TENM4: variants seen among roughly 807,000 people sequenced by gnomAD.
TENM4 encodes the protein teneurin transmembrane protein 4.
Under a neutral mutation model 243.3 loss-of-function variants are expected in TENM4, and 82 were observed. That is an observed-to-expected ratio of 0.34 (90% CI 0.28 to 0.40). The LOEUF (loss-of-function observed/expected upper bound fraction) is 0.40. Among genes scored for constraint, TENM4 ranks in the 10% least tolerant of loss-of-function variants. TENM4 has a pLI of 1.00. For missense variants in TENM4, 3,138 were observed against 3,673.3 expected (o/e 0.85, Z 3.77); for synonymous variants, 1,412 against 1,456.3 (o/e 0.97, Z 0.69).
chr11:79,098,231 A>T lies in TENM4; in HGVS notation c.-65-28222T>A, dbSNP rs541672032. On this transcript the variant is annotated intron_variant, in intron 4 of 33. Coordinates refer to ENST00000278550, the MANE Select transcript of TENM4 (RefSeq NM_001098816.3). ...TCTTGTGTCTCCCCCACCCCCCCCC[A>T]TCTCCCAGCTCAGTGAGAATCATCT... 1.7e-3 allele frequency among the ~76,000 whole-genome samples: 86 copies of T among 50,984 alleles called. No homozygotes were observed. In the East Asian group the frequency reaches 0.022, roughly 13 times the overall value. 33.4% of individuals were successfully genotyped at this position (50,984 alleles called of 152,430 possible). A position where few individuals can be genotyped will look rare whatever the true frequency, so the allele number is the denominator to read the frequency against.
chr11:78,792,702 T>G (rs1355364216), intron 15 of TENM4, among the ~76,000 whole-genome samples: 2 of 152,038 alleles, frequency 1.3e-5, no homozygotes, highest in African/African-American at 2.4e-5. Flanking sequence ...ATGGAAGAGG[T>G]GTATGTCGGT....
chr11:78,731,332 T>C (rs1426163601), intron 21 of TENM4, among the ~76,000 whole-genome samples: 2 of 151,590 alleles, frequency 1.3e-5, no homozygotes, highest in Non-Finnish European at 2.9e-5. Context: ...GAAAAGGAGG[T>C]TTCAACCTGT....
At position 78,726,160 on chromosome 11, in the gene TENM4, C is replaced by T; in HGVS notation, c.3469G>A (p.Val1157Met). 1 of 1,614,010 alleles carries T rather than the reference C, an allele frequency of 6.2e-7. No homozygotes were observed. The highest frequency in any genetic ancestry group is 2.2e-5 in the East Asian group (1 of 44,884). Residue 1157 changes from valine (V) to methionine (M), a missense_variant, in exon 23 of 34, where the codon GTG becomes ATG. By Grantham distance (21) the Val-to-Met change is conservative. Around this residue, in one of 2 missense-constraint regions of TENM4, gnomAD observed 2,467 missense variants for 3,059.1 expected, o/e 0.81. Transcript: ENST00000278550. ...GCGTCAATTTCATAGCCCTGCAGCACTGTTGTTCTTTTTTCCCACAGGATT... is the reference window on the plus strand; with the variant it reads ...GCGTCAATTTCATAGCCCTGCAGCATTGTTGTTCTTTTTTCCCACAGGATT... The part of the protein sequence containing the change: ...DLILWEKRTT[V>M]LQGYEIDASK...
chr11:79,137,117 T>C (rs1392512541), intron 4 of TENM4, among the ~76,000 whole-genome samples: 2 of 152,206 alleles, frequency 1.3e-5, no homozygotes, highest in Non-Finnish European at 2.9e-5. Context: ...TGTGACATTA[T>C]GTTCTGCTGG....
chr11:79,138,889 A>T (rs1312099285), intron 4 of TENM4, among the ~76,000 whole-genome samples: 1 of 116,650 alleles, frequency 8.6e-6, no homozygotes, highest in Non-Finnish European at 1.6e-5. Flanking sequence ...AAATATATAA[A>T]ATATATATTA....
chr11:78,804,394 G>T (rs987509661), intron 15 of TENM4, among the ~76,000 whole-genome samples: 2 of 152,132 alleles, frequency 1.3e-5, no homozygotes, highest in African/African-American at 4.8e-5. Flanking sequence ...GTAAGTATTT[G>T]CTGTTTAAAG....
At chr11:79,200,165 GCT>G (rs1479367102) in intron 3 of TENM4, among the ~76,000 whole-genome samples, 4 of 152,328 alleles carry the variant, frequency 2.6e-5, no homozygotes, top group African/African-American at 9.6e-5. Context: ...AATGCACCGT[GCT>G]CTGTCTCTAG....
At chr11:79,095,872 G>A (rs1431055835) in intron 4 of TENM4, 2 of 152,226 alleles carry the variant, frequency 1.3e-5, no homozygotes, top group African/African-American at 2.4e-5. Context: ...AGAGTTAGGG[G>A]TCAGCCTGGC....
In TENM4 at chr11:79,237,607, G is replaced by T. The variant is rs560303069; in HGVS notation, c.-264-21698C>A. 6.6e-5 allele frequency among the ~76,000 whole-genome samples: 10 copies of T among 152,312 alleles called. No individual in the cohort carries two copies. In the South Asian group the frequency reaches 2.1e-3, roughly 32 times the overall value. On this transcript the variant is annotated intron_variant, in intron 2 of 33. Coordinates refer to ENST00000278550, the MANE Select transcript of TENM4 (RefSeq NM_001098816.3). The stretch of plus-strand genomic sequence containing the variant: ...CAGGAGAATCACTTGAACCTGGGAG[G>T]TGGAGGTTGCAGTGAGCCAAGTTCG...
intron 6 of TENM4, among the ~76,000 whole-genome samples, chr11:79,026,011 T>C: frequency 6.6e-6 from 1 of 152,098 alleles, no homozygotes; most frequent in Non-Finnish European, 1.5e-5. Context: ...TTCTTAAATA[T>C]TTCTAGATGC....
At chr11:79,355,055 T>TA (rs1351809730) in intron 1 of TENM4, among the ~76,000 whole-genome samples, 1 of 152,192 alleles carries the variant, frequency 6.6e-6, no homozygotes, top group Non-Finnish European at 1.5e-5. Context: ...AAGAGTTCCC[T>TA]AAAAACCAAA....
intron 2 of TENM4, among the ~76,000 whole-genome samples, chr11:79,249,596 A>G (rs1180099132): frequency 6.6e-6 from 1 of 152,208 alleles, no homozygotes; most frequent in Non-Finnish European, 1.5e-5. Context: ...TCAGCAACCC[A>G]AAGGTATCGC....
At chr11:79,303,868 G>T (rs1401138822) in intron 1 of TENM4, among the ~76,000 whole-genome samples, 1 of 152,192 alleles carries the variant, frequency 6.6e-6, no homozygotes, top group African/African-American at 2.4e-5. Context: ...GGTTTGGGCT[G>T]GTAGCGTGTT....
chr11:79,407,877 C>A (rs1353317452), intron 1 of TENM4, among the ~76,000 whole-genome samples: 1 of 151,722 alleles, frequency 6.6e-6, no homozygotes, highest in Non-Finnish European at 1.5e-5. Flanking sequence ...TAGGGTGGAA[C>A]CTGAAGATTT....
chr11:78,656,312 T>C lies in TENM4; in HGVS notation c.*1746A>G, dbSNP rs1565315839. ...CTCAGAATTCATTTTCCACACTTAA[T>C]GTAAATGTAACCCATAAAAGTTCCA... On this transcript the variant is annotated 3_prime_UTR_variant, in exon 34 of 34. Coordinates refer to ENST00000278550, the MANE Select transcript of TENM4 (RefSeq NM_001098816.3). The C allele has an allele frequency of 6.6e-6, 1 of 152,272 alleles. No individual in the cohort carries two copies. The highest frequency in any genetic ancestry group is 1.5e-5 in the Non-Finnish European group (1 of 68,064). 9.4% of individuals were successfully genotyped at this position (152,272 alleles called of 1,614,324 possible). A position where few individuals can be genotyped will look rare whatever the true frequency, so the allele number is the denominator to read the frequency against.
At chr11:78,661,370 G>C (rs1366978432) in intron 33 of TENM4, 79 bp downstream of exon 33, 1 of 1,527,120 alleles carries the variant, frequency 6.5e-7, no homozygotes, top group African/African-American at 1.4e-5. Flanking sequence ...ACTGGCCCAT[G>C]CTTTTCTGAA....
chr11:79,081,850 C>T (rs1860683770), intron 4 of TENM4, among the ~76,000 whole-genome samples: 1 of 152,088 alleles, frequency 6.6e-6, no homozygotes, highest in African/African-American at 2.4e-5. Flanking sequence ...CAGGCCGTCC[C>T]TCAACTCGTG....
rs181620329 is a variant in TENM4 at position 78,923,684 on chromosome 11, T to C, written c.494-20161A>G. ...TCCTAAGTAGCTGGGATGACAGGCA[T>C]GCACCTGGCTTTTTTTTTTTTTTTT... On this transcript the variant is annotated intron_variant, in intron 6 of 33. Coordinates refer to ENST00000278550, the MANE Select transcript of TENM4 (RefSeq NM_001098816.3). Among the ~76,000 whole-genome samples, 330 of 125,556 alleles carry C rather than the reference T, an allele frequency of 2.6e-3. 2 individuals are homozygous for C. The highest frequency in any genetic ancestry group is 0.013 in the Middle Eastern group (3 of 224). The allele number at this position is 125,556 out of a possible 152,430, so 82.4% of individuals were successfully genotyped here. A position where few individuals can be genotyped will look rare whatever the true frequency, so the allele number is the denominator to read the frequency against.
intron 3 of TENM4, among the ~76,000 whole-genome samples, chr11:79,159,323 A>G (rs912322097): frequency 3.3e-5 from 5 of 152,248 alleles, no homozygotes; most frequent in Non-Finnish European, 5.9e-5. Flanking sequence ...AACAGTTGGC[A>G]TGTAGTATCT....
Sources: allele counts gnomAD v4.1 joint callset (sites outside exome capture counted in the v4.1 genomes callset), GRCh38; gene constraint gnomAD v4.1.1; regional missense constraint gnomAD v4.1.1; transcripts MANE v1.5; gene names NCBI Gene and HGNC (gene_info 2026-07-23, HGNC 2026-07-21).